The following DLGAP1 variants were observed in gnomAD, a reference collection of about 807,000 sequenced individuals.
DLGAP1 encodes disks large-associated protein 1.
Under a neutral mutation model 90.8 loss-of-function variants are expected in DLGAP1, and 11 were observed. The observed-to-expected ratio is 0.12, with a 90% CI of 0.08 to 0.20. The LOEUF (loss-of-function observed/expected upper bound fraction) is 0.20, where lower values mean the gene tolerates loss of function less well. DLGAP1 is among the 10% of genes least tolerant of loss of function. The pLI is 1.00. For missense variants in DLGAP1, 1,050 were observed against 1,333.8 expected, an observed-to-expected ratio of 0.79 and a Z score of 3.31; for synonymous variants, 558 against 540.7, an observed-to-expected ratio of 1.03 and a Z score of -0.44.
chr18:4,217,320 T>C (rs1176276802), intron 1 of DLGAP1, among the ~76,000 whole-genome samples: 2 of 152,162 alleles, frequency 1.3e-5, no homozygotes, highest in Non-Finnish European at 2.9e-5. Flanking sequence ...TTGACAAATA[T>C]GAATAATGCT....
At chr18:3,871,832 T>A (rs1244011578) in intron 4 of DLGAP1, among the ~76,000 whole-genome samples, 1 of 152,210 alleles carries the variant, frequency 6.6e-6, no homozygotes, top group Non-Finnish European at 1.5e-5. Context: ...TTAGAAGTAT[T>A]GTTGCAGGGA....
At chr18:4,265,562 C>T (rs1333544947) in intron 1 of DLGAP1, among the ~76,000 whole-genome samples, 1 of 137,796 alleles carries the variant, frequency 7.3e-6, no homozygotes, top group Non-Finnish European at 1.5e-5. Context: ...TCCTTCCTTC[C>T]TTTCCTTTCC....
intron 9 of DLGAP1, among the ~76,000 whole-genome samples, chr18:3,535,822 G>C (rs2052338232): frequency 6.6e-6 from 1 of 151,852 alleles, no homozygotes; most frequent in African/African-American, 2.4e-5. Context: ...ATCTGAGGTC[G>C]GGAGTTCGAG....
At position 3,784,574 on chromosome 18, in the gene DLGAP1, G is replaced by A. The variant is rs181388194; in HGVS notation, c.1172+29485C>T. The stretch of plus-strand genomic sequence containing the variant: ...GGCAACCCACCCACAATGTCAGTGC[G>A]TTCTCTGATTAGGCCTCTTGATGAC... On this transcript the variant is annotated intron_variant, in intron 5 of 12. Transcript: ENST00000315677. 1.8e-3 allele frequency among the ~76,000 whole-genome samples: 267 copies of A among 152,200 alleles called. 1 individual carries two copies. Among genetic ancestry groups the A allele is most frequent in the African/African-American group, 6.0e-3 (249 of 41,522 alleles).
intron 2 of DLGAP1, among the ~76,000 whole-genome samples, chr18:4,069,583 C>A (rs1005072559): frequency 6.6e-5 from 10 of 152,256 alleles, no homozygotes; most frequent in African/African-American, 2.2e-4. Flanking sequence ...TGTGGCACCT[C>A]CCCCATGCTC....
intron 10 of DLGAP1, among the ~76,000 whole-genome samples, chr18:3,515,777 C>CAA (rs55680550): frequency 2.1e-4 from 20 of 93,418 alleles, no homozygotes; most frequent in South Asian, 7.7e-4. Flanking sequence ...GACCCTGTCT[C>CAA]AAAAAAAAAA....
At chr18:4,416,321 A>T (rs2082898645) in intron 1 of DLGAP1, among the ~76,000 whole-genome samples, 1 of 152,202 alleles carries the variant, frequency 6.6e-6, no homozygotes, top group South Asian at 2.1e-4. Context: ...CCAAGGTCAG[A>T]TGATAATAGG....
chr18:4,201,643 C>A (rs956093492), intron 1 of DLGAP1, among the ~76,000 whole-genome samples: 1 of 151,846 alleles, frequency 6.6e-6, no homozygotes, highest in Non-Finnish European at 1.5e-5. Context: ...ACAAAGAATA[C>A]CATTAAAAAC....
intron 2 of DLGAP1, among the ~76,000 whole-genome samples, chr18:4,075,753 T>C (rs1243436526): frequency 2.0e-5 from 3 of 152,222 alleles, no homozygotes; most frequent in South Asian, 2.1e-4. Flanking sequence ...ACATTCAACT[T>C]TGGTATTTCT....
intron 2 of DLGAP1, among the ~76,000 whole-genome samples, chr18:4,130,172 T>C (rs1188995043): frequency 6.6e-6 from 1 of 152,218 alleles, no homozygotes; most frequent in Non-Finnish European, 1.5e-5. Context: ...GCTGTTCTTG[T>C]TCTAGAGTAA....
chr18:3,766,161 T>C (rs2064233079), intron 5 of DLGAP1, among the ~76,000 whole-genome samples: 1 of 152,030 alleles, frequency 6.6e-6, no homozygotes. Context: ...CAAACATTAA[T>C]TAAAGGAAAA....
chr18:3,952,481 G>A (rs756738889), intron 3 of DLGAP1, among the ~76,000 whole-genome samples: 9 of 152,126 alleles, frequency 5.9e-5, no homozygotes, highest in East Asian at 3.9e-4. Context: ...GGGTGGCATC[G>A]GACCACGGCA....
chr18:3,605,897 G>C (rs1340927196), intron 7 of DLGAP1, among the ~76,000 whole-genome samples: 2 of 152,148 alleles, frequency 1.3e-5, no homozygotes, highest in African/African-American at 4.8e-5. Context: ...CGAGGACACT[G>C]AGTGCCACTA....
chr18:4,021,311 A>C (rs2074604642), intron 2 of DLGAP1, among the ~76,000 whole-genome samples: 1 of 152,172 alleles, frequency 6.6e-6, no homozygotes, highest in Non-Finnish European at 1.5e-5. Context: ...AGTCCTTCAT[A>C]GCCTGGGGCT....
chr18:4,136,973 A>G (rs1399121257), intron 2 of DLGAP1, among the ~76,000 whole-genome samples: 1 of 152,126 alleles, frequency 6.6e-6, no homozygotes, highest in Non-Finnish European at 1.5e-5. Flanking sequence ...ATATGTATAC[A>G]TGTGCCATGT....
intron 1 of DLGAP1, among the ~76,000 whole-genome samples, chr18:4,380,614 A>C (rs2082095404): frequency 6.6e-6 from 1 of 152,174 alleles, no homozygotes; most frequent in African/African-American, 2.4e-5. Flanking sequence ...ATAGAATCTA[A>C]TCTAGCAGAT....
At chr18:3,941,796 T>G (rs977915040) in intron 3 of DLGAP1, among the ~76,000 whole-genome samples, 13 of 152,216 alleles carry the variant, frequency 8.5e-5, no homozygotes, top group African/African-American at 3.1e-4. Flanking sequence ...CACTGCAGCC[T>G]CCACCTCCCA....
At chr18:4,198,290 A>G (rs890262630) in intron 1 of DLGAP1, among the ~76,000 whole-genome samples, 1 of 152,172 alleles carries the variant, frequency 6.6e-6, no homozygotes, top group Non-Finnish European at 1.5e-5. Context: ...TGGATTTCTA[A>G]GAGATGGTCA....
intron 4 of DLGAP1, among the ~76,000 whole-genome samples, chr18:3,838,357 C>A (rs2068522124): frequency 6.6e-6 from 1 of 152,174 alleles, no homozygotes; most frequent in Non-Finnish European, 1.5e-5. Flanking sequence ...GTAAATATGA[C>A]TAGAAATTCT....
Sources: allele counts gnomAD v4.1 joint callset (sites outside exome capture counted in the v4.1 genomes callset), GRCh38; gene constraint gnomAD v4.1.1; transcripts MANE v1.5; gene names NCBI Gene and HGNC (gene_info 2026-07-23, HGNC 2026-07-21).